The following TDRD3 variants were observed in gnomAD, a reference collection of about 807,000 sequenced individuals.
The protein encoded by TDRD3 is tudor domain containing 3.
In TDRD3, 45 loss-of-function variants were observed where a neutral mutation model predicts 86.7. That is an observed-to-expected ratio of 0.52 (90% CI 0.41 to 0.67). The LOEUF is 0.67. TDRD3 is among the 30% of genes least tolerant of loss of function. TDRD3 has a pLI of 0.00. For missense variants in TDRD3, 814 were observed against 889.0 expected (o/e 0.92, Z 1.07); for synonymous variants, 298 against 301.7 (o/e 0.99, Z 0.13).
intron 12 of TDRD3, among the ~76,000 whole-genome samples, chr13:60,558,474 CAT>C: frequency 6.6e-6 from 1 of 152,228 alleles, no homozygotes; most frequent in South Asian, 2.1e-4. Context: ...GACCTGAAAA[CAT>C]ATCAATAGGC....
intron 10 of TDRD3, among the ~76,000 whole-genome samples, chr13:60,519,853 A>G (rs911067945): frequency 6.6e-6 from 1 of 152,196 alleles, no homozygotes; most frequent in Non-Finnish European, 1.5e-5. Context: ...TTACTAAACT[A>G]GAAATTTTTT....
intron 1 of TDRD3, among the ~76,000 whole-genome samples, chr13:60,407,283 T>C (rs1038279449): frequency 2.6e-5 from 4 of 152,216 alleles, no homozygotes; most frequent in South Asian, 4.1e-4. Context: ...AGTAGACACT[T>C]AAATACTTGT....
intron 4 of TDRD3, among the ~76,000 whole-genome samples, chr13:60,466,977 T>TTG (rs200011400): frequency 1.1e-4 from 17 of 150,458 alleles, no homozygotes; most frequent in Middle Eastern, 3.4e-3. Flanking sequence ...TGTGTGTGTT[T>TTG]TTTTGTTTTT....
At position 60,494,397 on chromosome 13, in the gene TDRD3, G is replaced by A. The variant is rs192293671; in HGVS notation, c.718-38G>A. ...GTTTTTAGAACTATTTTTAAATGCT[G>A]TCTACATACCTCTCTTTTATCTTTC... On this transcript the variant is annotated intron_variant, in intron 7 of 13. Coordinates refer to ENST00000377881, the MANE Select transcript of TDRD3 (RefSeq NM_001146070.2). 1.9e-6 allele frequency: 3 copies of A among 1,540,196 alleles called. No individual in the cohort carries two copies. In the East Asian group the frequency reaches 6.8e-5, roughly 35 times the overall value.
chr13:60,406,617 G>C (rs1055915651), intron 1 of TDRD3, among the ~76,000 whole-genome samples: 2 of 152,136 alleles, frequency 1.3e-5, no homozygotes, highest in African/African-American at 4.8e-5. Flanking sequence ...TAGCCTTTAA[G>C]GACCTGCTAG....
intron 8 of TDRD3, among the ~76,000 whole-genome samples, chr13:60,507,789 A>G (rs1566254599): frequency 6.6e-6 from 1 of 152,198 alleles, no homozygotes; most frequent in Non-Finnish European, 1.5e-5. Flanking sequence ...CAGGCAACAG[A>G]AAGAAATAAA....
intron 8 of TDRD3, among the ~76,000 whole-genome samples, chr13:60,508,219 A>G (rs971043768): frequency 2.0e-5 from 3 of 152,214 alleles, no homozygotes; most frequent in Non-Finnish European, 2.9e-5. Flanking sequence ...ATTCAGTGCT[A>G]TCCCCATCAA....
intron 10 of TDRD3, among the ~76,000 whole-genome samples, chr13:60,524,988 G>A (rs1159140351): frequency 7.6e-5 from 11 of 145,524 alleles, no homozygotes; most frequent in South Asian, 2.3e-4. Context: ...TCTGGAGGCT[G>A]AGGCAGGAGA....
At chr13:60,544,980 C>T (rs546322688) in intron 12 of TDRD3, among the ~76,000 whole-genome samples, 1 of 152,248 alleles carries the variant, frequency 6.6e-6, no homozygotes, top group South Asian at 2.1e-4. Flanking sequence ...TCCTGGTGGT[C>T]ACCTTTATTA....
intron 4 of TDRD3, among the ~76,000 whole-genome samples, chr13:60,465,612 T>C (rs1594968320): frequency 6.6e-6 from 1 of 152,204 alleles, no homozygotes; most frequent in African/African-American, 2.4e-5. Context: ...TAATTTTTAA[T>C]ATATAATCTA....
intron 12 of TDRD3, among the ~76,000 whole-genome samples, chr13:60,564,269 G>A (rs376676902): frequency 1.3e-5 from 2 of 152,040 alleles, no homozygotes; most frequent in South Asian, 2.1e-4. Context: ...CAAGGTGGTC[G>A]GGATGCACCT....
At chr13:60,431,718 A>G (rs974423802) in intron 1 of TDRD3, among the ~76,000 whole-genome samples, 2 of 150,852 alleles carry the variant, frequency 1.3e-5, no homozygotes, top group African/African-American at 4.8e-5. Flanking sequence ...AAAAAAAAAA[A>G]AAAAAAGGTG....
intron 13 of TDRD3, among the ~76,000 whole-genome samples, chr13:60,569,624 C>T (rs953214700): frequency 1.3e-5 from 2 of 152,008 alleles, no homozygotes; most frequent in Non-Finnish European, 1.5e-5. Flanking sequence ...CAAAGTTATC[C>T]TGAGCATAAA....
At chr13:60,567,380 G>T in intron 12 of TDRD3, 145 bp from the exon 13 acceptor site, 1 of 854,442 alleles carries the variant, frequency 1.2e-6, no homozygotes, top group Non-Finnish European at 1.8e-6. Context: ...CCTTCCCCTT[G>T]CCTCCCTCTG....
At chr13:60,452,225 G>A (rs1029774852) in intron 3 of TDRD3, among the ~76,000 whole-genome samples, 2 of 152,008 alleles carry the variant, frequency 1.3e-5, no homozygotes, top group East Asian at 1.9e-4. Context: ...GGAAGTATAT[G>A]GGCTGTGCAT....
intron 3 of TDRD3, among the ~76,000 whole-genome samples, chr13:60,450,445 C>T (rs1815650112): frequency 6.6e-6 from 1 of 152,140 alleles, no homozygotes; most frequent in South Asian, 2.1e-4. Context: ...TTGCCTCTTA[C>T]TGACTGAGTG....
At chr13:60,464,776 T>C (rs900097988) in intron 4 of TDRD3, among the ~76,000 whole-genome samples, 6 of 151,960 alleles carry the variant, frequency 3.9e-5, no homozygotes, top group African/African-American at 1.5e-4. Flanking sequence ...GATAGTAAAA[T>C]GGCAGCCAGG....
intron 12 of TDRD3, among the ~76,000 whole-genome samples, chr13:60,549,313 C>T (rs996914355): frequency 3.3e-5 from 5 of 152,218 alleles, no homozygotes; most frequent in East Asian, 1.9e-4. Context: ...CCTCTCAGCC[C>T]ATTTTCAGTA....
chr13:60,566,515 G>A (rs1265197587), intron 12 of TDRD3, among the ~76,000 whole-genome samples: 1 of 152,094 alleles, frequency 6.6e-6, no homozygotes, highest in Admixed American at 6.5e-5. Context: ...CAAAGATAAA[G>A]TAAGGAAGAG....
Sources: gnomAD v4.1 joint callset for allele counts (sites outside exome capture counted in the v4.1 genomes callset) on GRCh38, gnomAD v4.1.1 for gene constraint, MANE v1.5 for transcripts, NCBI Gene and HGNC (gene_info 2026-07-23, HGNC 2026-07-21) for gene names.